JAKMIP2: variants seen among roughly 807,000 people sequenced by gnomAD.
JAKMIP2 encodes the protein janus kinase and microtubule-interacting protein 2.
In JAKMIP2, 25 loss-of-function variants were observed where a neutral mutation model predicts 115.0. The ratio of observed to expected loss-of-function variants is 0.22; its 90% CI spans 0.16 to 0.30. JAKMIP2 has a LOEUF of 0.30. Among genes scored for constraint, JAKMIP2 ranks in the 10% least tolerant of loss-of-function variants. The probability of loss-of-function intolerance (pLI) is 1.00; values close to 1 mark genes in which losing one functional copy is unlikely to be tolerated. For missense variants in JAKMIP2, 642 were observed against 957.6 expected, an observed-to-expected ratio of 0.67 and a Z score of 4.35; for synonymous variants, 334 against 343.6, an observed-to-expected ratio of 0.97 and a Z score of 0.31.
chr5:147,764,938 G>GAAA, intron 1 of JAKMIP2, among the ~76,000 whole-genome samples: 1 of 93,948 alleles, frequency 1.1e-5, no homozygotes, highest in Admixed American at 1.2e-4. Context: ...GAGAGAGAGA[G>GAAA]AGAGAGAGGG....
intron 1 of JAKMIP2, among the ~76,000 whole-genome samples, chr5:147,781,305 T>C (rs971401344): frequency 2.0e-5 from 3 of 152,176 alleles, no homozygotes; most frequent in African/African-American, 7.2e-5. Context: ...GTGAAATGGT[T>C]CCTGGATACT....
chr5:147,672,091 G>A, intron 1 of JAKMIP2, 137 bp from the exon 2 acceptor site: 1 of 375,110 alleles, frequency 2.7e-6, no homozygotes, highest in Non-Finnish European at 4.0e-6. Context: ...CTGTCCACTT[G>A]TACGTGAGTT....
chr5:147,630,572 G>A (rs539545142), intron 14 of JAKMIP2, among the ~76,000 whole-genome samples: 2 of 152,224 alleles, frequency 1.3e-5, no homozygotes, highest in Admixed American at 6.5e-5. Context: ...TTAGTACTAT[G>A]TTCTCCTCTT....
chr5:147,751,705 T>C (rs1298198309), intron 1 of JAKMIP2, among the ~76,000 whole-genome samples: 1 of 152,090 alleles, frequency 6.6e-6, no homozygotes, highest in African/African-American at 2.4e-5. Flanking sequence ...CTCTTTTTCC[T>C]TCTGAAATTC....
chr5:147,697,098 G>T (rs1752136502), intron 1 of JAKMIP2, among the ~76,000 whole-genome samples: 1 of 152,148 alleles, frequency 6.6e-6, no homozygotes, highest in East Asian at 1.9e-4. Context: ...GCCTGTATTA[G>T]TTCGTTTTCA....
intron 17 of JAKMIP2, among the ~76,000 whole-genome samples, chr5:147,621,460 T>C (rs928213008): frequency 2.6e-5 from 4 of 152,226 alleles, no homozygotes; most frequent in Non-Finnish European, 5.9e-5. Flanking sequence ...CTCAATGGTG[T>C]TGACTTTTGA....
intron 21 of JAKMIP2, chr5:147,595,326 T>C: frequency 2.6e-6 from 1 of 384,264 alleles, no homozygotes; most frequent in East Asian, 7.3e-5. Context: ...TATTAGGCCA[T>C]GAGTGCAGAA....
chr5:147,667,368 T>C (rs17107108), intron 2 of JAKMIP2, among the ~76,000 whole-genome samples: 11,516 of 152,264 alleles, frequency 0.076, 639 homozygotes, highest in East Asian at 0.22. Flanking sequence ...TATTTTTCTA[T>C]TCTGTCCTAC....
chr5:147,656,641 T>C (rs990073499), intron 3 of JAKMIP2, among the ~76,000 whole-genome samples: 2 of 152,200 alleles, frequency 1.3e-5, no homozygotes, highest in Non-Finnish European at 2.9e-5. Context: ...TTTTATCCAA[T>C]TTGCTAGTCT....
Position 147,650,667 on chromosome 5 carries a change from A to G in JAKMIP2, c.628-120T>C, listed in dbSNP as rs138828397. Reference sequence around the variant, plus strand: ...ATACAGAAAAAAAATCACGGATTTGATAAGTGTATTGGTTTCATGAGTAAG... The same window carrying G: ...ATACAGAAAAAAAATCACGGATTTGGTAAGTGTATTGGTTTCATGAGTAAG... On this transcript the variant is annotated intron_variant, in intron 3 of 21. Coordinates refer to ENST00000616793, the MANE Select transcript of JAKMIP2 (RefSeq NM_001270941.2). The G allele has an allele frequency of 3.5e-3, 2,614 of 742,440 alleles. 15 individuals carry two copies. The highest frequency in any genetic ancestry group is 4.2e-3 in the Non-Finnish European group (1,889 of 454,428). 46.0% of individuals were successfully genotyped at this position (742,440 alleles called of 1,614,324 possible).
intron 17 of JAKMIP2, among the ~76,000 whole-genome samples, chr5:147,622,227 G>C (rs1171327782): frequency 6.6e-6 from 1 of 152,106 alleles, no homozygotes; most frequent in Non-Finnish European, 1.5e-5. Context: ...TTTTAGACTT[G>C]GTGAGTAAAA....
rs188537748 is a variant in JAKMIP2, at chr5:147,667,488, C to T, written c.129+4190G>A. Among the ~76,000 whole-genome samples, 5 of 152,228 alleles carry T rather than the reference C, an allele frequency of 3.3e-5. No homozygotes were observed. The East Asian group carries it at 9.7e-4, about 29-fold the overall frequency. ...AAATGTAGGATTAAAAATTGGACAG[C>T]TCAGTCAAAGGTAAGGAAAAGGTTG... On this transcript the variant is annotated intron_variant, in intron 2 of 21. Transcript: ENST00000616793.
intron 20 of JAKMIP2, among the ~76,000 whole-genome samples, chr5:147,608,642 T>C (rs973602312): frequency 6.6e-6 from 1 of 152,192 alleles, no homozygotes; most frequent in African/African-American, 2.4e-5. Context: ...GAGCAGAATG[T>C]ATGTTCTGTT....
chr5:147,710,349 T>C (rs1561551829), intron 1 of JAKMIP2, among the ~76,000 whole-genome samples: 1 of 152,134 alleles, frequency 6.6e-6, no homozygotes, highest in Non-Finnish European at 1.5e-5. Context: ...ACTGCTTCCA[T>C]CAAATATATT....
At chr5:147,650,226 G>A in intron 4 of JAKMIP2, 112 bp downstream of exon 4, 1 of 707,890 alleles carries the variant, frequency 1.4e-6, no homozygotes, top group Non-Finnish European at 2.5e-6. Context: ...ATAGTAGAAG[G>A]TAGATTGATT....
intron 1 of JAKMIP2, among the ~76,000 whole-genome samples, chr5:147,756,232 G>T (rs1049942251): frequency 3.9e-5 from 6 of 152,126 alleles, no homozygotes; most frequent in African/African-American, 9.7e-5. Flanking sequence ...TCAGAGAGAA[G>T]AATTCTATCA....
rs1758011602 is a variant in JAKMIP2 at position 147,644,126 on chromosome 5, CT to C, written c.1155del (p.Glu386AsnfsTer7). The C allele has an allele frequency of 6.2e-7, 1 of 1,608,072 alleles. No individual in the cohort carries two copies. The highest frequency in any genetic ancestry group is 1.7e-5 in the Admixed American group (1 of 59,902). ...KSLNDLDQAN[E>X]EQETEFLKLQ... ...AGTTTTAGAAACTCTGTTTCTTGTT[CT>C]TCATTAGCTTGGTCGAGGTCATTCA... is the stretch of plus-strand genomic sequence containing the variant. On this transcript the variant is annotated frameshift_variant, in exon 7 of 22. Coordinates refer to ENST00000616793, the MANE Select transcript of JAKMIP2 (RefSeq NM_001270941.2). LOFTEE classifies it high-confidence loss of function.
intron 1 of JAKMIP2, among the ~76,000 whole-genome samples, chr5:147,736,938 A>G (rs1753946978): frequency 6.6e-6 from 1 of 152,186 alleles, no homozygotes; most frequent in South Asian, 2.1e-4. Flanking sequence ...CATGAGATAT[A>G]TAATTTATAA....
chr5:147,748,066 A>G (rs987227133), intron 1 of JAKMIP2, among the ~76,000 whole-genome samples: 1 of 152,196 alleles, frequency 6.6e-6, no homozygotes, highest in Non-Finnish European at 1.5e-5. Flanking sequence ...GCACTCTGCT[A>G]AAGGTTTCAT....
Sources: allele counts gnomAD v4.1 joint callset (sites outside exome capture counted in the v4.1 genomes callset), GRCh38; gene constraint gnomAD v4.1.1; transcripts MANE v1.5; gene names NCBI Gene and HGNC (gene_info 2026-07-23, HGNC 2026-07-21).